The following RYR3 variants were observed in gnomAD, a reference collection of about 807,000 sequenced individuals.
The protein encoded by RYR3 is ryanodine receptor 3, also known as brain ryanodine receptor-calcium release channel.
Under a neutral mutation model 584.3 loss-of-function variants are expected in RYR3, and 207 were observed. The ratio of observed to expected loss-of-function variants is 0.35; its 90% confidence interval spans 0.32 to 0.40. RYR3 has a LOEUF of 0.40. RYR3 is among the 10% of genes least tolerant of loss of function. The pLI, the probability that RYR3 is intolerant of heterozygous loss-of-function variation, is 1.00. For missense variants in RYR3, 5,616 were observed against 6,089.2 expected, an observed-to-expected ratio of 0.92 and a Z score of 2.59; for synonymous variants, 2,416 against 2,248.5, an observed-to-expected ratio of 1.07 and a Z score of -2.11.
At chr15:33,492,729 C>G (rs1004882432) in intron 2 of RYR3, among the ~76,000 whole-genome samples, 1 of 152,090 alleles carries the variant, frequency 6.6e-6, no homozygotes, top group Admixed American at 6.6e-5. Flanking sequence ...GATGCTGATG[C>G]CGATTGCACC....
At chr15:33,467,455 C>T (rs767962898) in intron 1 of RYR3, 1 of 984,468 alleles carries the variant, frequency 1.0e-6, no homozygotes, top group Non-Finnish European at 1.2e-6. Context: ...AGAGATGGCT[C>T]TCTATTGTTC....
intron 10 of RYR3, among the ~76,000 whole-genome samples, chr15:33,553,352 G>A (rs2056827113): frequency 6.6e-6 from 1 of 152,108 alleles, no homozygotes; most frequent in African/African-American, 2.4e-5. Flanking sequence ...TGACAGTTAT[G>A]ACTACTAAAT....
intron 48 of RYR3, among the ~76,000 whole-genome samples, chr15:33,735,352 A>G (rs1291232576): frequency 6.6e-6 from 1 of 152,200 alleles, no homozygotes; most frequent in Non-Finnish European, 1.5e-5. Flanking sequence ...TGTGAAACAG[A>G]CGACTTTTGT....
intron 19 of RYR3, among the ~76,000 whole-genome samples, chr15:33,616,275 T>C (rs2060446432): frequency 6.6e-6 from 1 of 152,224 alleles, no homozygotes; most frequent in Non-Finnish European, 1.5e-5. Flanking sequence ...ACATCTGCTC[T>C]CAAATGTTGC....
chr15:33,800,659 G>A (rs1191265942), intron 67 of RYR3, 111 bp from the exon 68 acceptor site: 4 of 700,834 alleles, frequency 5.7e-6, no homozygotes, highest in African/African-American at 1.8e-5. Context: ...ATATGAGAAT[G>A]CAGTTTGATC....
At chr15:33,854,562 A>G (rs2079444042) in intron 97 of RYR3, 113 bp downstream of exon 97, 2 of 1,074,906 alleles carry the variant, frequency 1.9e-6, no homozygotes, top group Non-Finnish European at 2.7e-6. Flanking sequence ...TCAAAGACCA[A>G]GAGCCTTATA....
chr15:33,722,953 T>TACGGA, intron 44 of RYR3, 58 bp downstream of exon 44: 8 of 1,417,892 alleles, frequency 5.6e-6, no homozygotes, highest in Non-Finnish European at 6.7e-6. Flanking sequence ...TCAGATATTA[T>TACGGA]TGGTATACGG....
In RYR3 at chr15:33,702,819, G is replaced by A. The variant is rs2066403639; in HGVS notation, c.6483+1739G>A. On this transcript the variant is annotated intron_variant, in intron 42 of 103. Coordinates refer to ENST00000634891, the MANE Select transcript of RYR3 (RefSeq NM_001036.6). ...AGGAAAAGGCACCAACAAAAAACAGGAAGAGGAGCAGCCAAAAGGATGAGA... is the reference window on the plus strand; with the variant it reads ...AGGAAAAGGCACCAACAAAAAACAGAAAGAGGAGCAGCCAAAAGGATGAGA... Among the ~76,000 whole-genome samples, 11 of 152,076 alleles carry A rather than the reference G, an allele frequency of 7.2e-5. 1 individual carries two copies. Among genetic ancestry groups the A allele is most frequent in the Admixed American group, 6.6e-4 (10 of 15,256 alleles).
At chr15:33,760,717 C>G (rs1367554594) in intron 60 of RYR3, among the ~76,000 whole-genome samples, 1 of 152,136 alleles carries the variant, frequency 6.6e-6, no homozygotes. Flanking sequence ...CAAGGATATG[C>G]AGGACATGAA....
At chr15:33,673,905 C>G (rs2063998145) in intron 38 of RYR3, among the ~76,000 whole-genome samples, 1 of 152,192 alleles carries the variant, frequency 6.6e-6, no homozygotes, top group African/African-American at 2.4e-5. Context: ...GTGAGCATGG[C>G]TGAGTCTTTC....
chr15:33,827,049 G>A, intron 84 of RYR3, 150 bp from the exon 85 acceptor site: 1 of 723,228 alleles, frequency 1.4e-6, no homozygotes. Flanking sequence ...TCAGAGCAGA[G>A]CTCTGCCCTG....
At chr15:33,708,665 A>G (rs981452104) in intron 43 of RYR3, among the ~76,000 whole-genome samples, 1 of 152,232 alleles carries the variant, frequency 6.6e-6, no homozygotes, top group African/African-American at 2.4e-5. Flanking sequence ...TAATAGTGTT[A>G]TATATATAAA....
At chr15:33,397,361 T>C (rs191728715) in intron 1 of RYR3, among the ~76,000 whole-genome samples, 27 of 152,362 alleles carry the variant, frequency 1.8e-4, no homozygotes, top group Admixed American at 1.8e-3. Context: ...TGTTAACATA[T>C]GACCCACGTT....
At chr15:33,821,183 T>G in intron 78 of RYR3, 87 bp from the exon 79 acceptor site, 1 of 1,041,368 alleles carries the variant, frequency 9.6e-7, no homozygotes, top group Non-Finnish European at 1.5e-6. Flanking sequence ...CTTAGGTAAC[T>G]GGAAAATTCT....
chr15:33,329,664 C>G (rs1210427881), intron 1 of RYR3, among the ~76,000 whole-genome samples: 1 of 152,170 alleles, frequency 6.6e-6, no homozygotes, highest in Non-Finnish European at 1.5e-5. Context: ...TCTCAATGTT[C>G]TCAATACTCC....
chr15:33,507,504 G>A (rs2052581675), intron 3 of RYR3, among the ~76,000 whole-genome samples: 2 of 152,092 alleles, frequency 1.3e-5, no homozygotes, highest in South Asian at 4.1e-4. Flanking sequence ...TTGGCACTGT[G>A]GCCAATTTTA....
chr15:33,864,110 A>ACCCCAGAG (rs2153026351), intron 102 of RYR3, 28 bp from the exon 103 acceptor site: 1 of 1,569,260 alleles, frequency 6.4e-7, no homozygotes, highest in Non-Finnish European at 8.8e-7. Flanking sequence ...TGACCAGAGT[A>ACCCCAGAG]TCTAATACTA....
At chr15:33,354,124 G>A (rs1973648898) in intron 1 of RYR3, among the ~76,000 whole-genome samples, 1 of 152,138 alleles carries the variant, frequency 6.6e-6, no homozygotes, top group Non-Finnish European at 1.5e-5. Flanking sequence ...AGTACTTATT[G>A]TTACTGCCCA....
intron 1 of RYR3, among the ~76,000 whole-genome samples, chr15:33,460,671 T>A (rs1202277635): frequency 1.3e-5 from 2 of 152,198 alleles, no homozygotes; most frequent in Non-Finnish European, 2.9e-5. Flanking sequence ...AATCGCCGTC[T>A]TGCTCTGAGC....
Sources: gnomAD v4.1 joint callset for allele counts (sites outside exome capture counted in the v4.1 genomes callset) on GRCh38, gnomAD v4.1.1 for gene constraint, MANE v1.5 for transcripts, NCBI Gene and HGNC (gene_info 2026-07-23, HGNC 2026-07-21) for gene names.